FGF12: variants seen among roughly 807,000 people sequenced by gnomAD.
The protein encoded by FGF12 is fibroblast growth factor 12, also known as fibroblast growth factor 12B.
A neutral mutation model predicts 23.6 loss-of-function variants in FGF12; 14 were observed. The ratio of observed to expected loss-of-function variants is 0.59; its 90% CI spans 0.39 to 0.93. FGF12 has a LOEUF of 0.93. FGF12 is among the 40% of genes least tolerant of loss of function. The pLI is 0.00. For missense variants in FGF12, 175 were observed against 217.8 expected (o/e 0.80, Z 1.24); for synonymous variants, 62 against 77.3 (o/e 0.80, Z 1.04).
chr3:192,357,222 G>A (rs1050384966), intron 3 of FGF12, among the ~76,000 whole-genome samples: 4 of 152,122 alleles, frequency 2.6e-5, no homozygotes, highest in Admixed American at 6.5e-5. Flanking sequence ...GGTGACTCAC[G>A]CCTGTAATCC....
intron 2 of FGF12, among the ~76,000 whole-genome samples, chr3:192,620,313 A>T (rs1038335178): frequency 1.3e-5 from 2 of 152,114 alleles, no homozygotes; most frequent in Admixed American, 1.3e-4. Flanking sequence ...CAATAGACTA[A>T]AAAAGAGCCC....
At chr3:192,482,109 A>C (rs1723496691) in intron 2 of FGF12, among the ~76,000 whole-genome samples, 1 of 152,148 alleles carries the variant, frequency 6.6e-6, no homozygotes, top group Non-Finnish European at 1.5e-5. Flanking sequence ...AGAACATTGC[A>C]CCTCATTATT....
At chr3:192,252,905 T>C (rs1712131993) in intron 4 of FGF12, among the ~76,000 whole-genome samples, 1 of 152,182 alleles carries the variant, frequency 6.6e-6, no homozygotes, top group Non-Finnish European at 1.5e-5. Flanking sequence ...GCTCTCATTA[T>C]ACCCTGGGGG....
intron 5 of FGF12, among the ~76,000 whole-genome samples, chr3:192,157,818 G>A (rs1461262783): frequency 6.6e-6 from 1 of 152,130 alleles, no homozygotes; most frequent in Non-Finnish European, 1.5e-5. Context: ...CTCCTATTAA[G>A]CATTAGTCAT....
intron 5 of FGF12, among the ~76,000 whole-genome samples, chr3:192,167,775 T>TAA (rs1715306399): frequency 7.5e-5 from 2 of 26,750 alleles, no homozygotes; most frequent in Non-Finnish European, 1.1e-4. Context: ...ATATAAAATT[T>TAA]TTTTTTTTTT....
intron 4 of FGF12, among the ~76,000 whole-genome samples, chr3:192,199,078 T>C (rs1306673130): frequency 6.6e-6 from 1 of 152,232 alleles, no homozygotes; most frequent in Non-Finnish European, 1.5e-5. Flanking sequence ...ATGTGCAAGA[T>C]GTGTGAACAA....
At chr3:192,565,070 A>G (rs186209516) in intron 2 of FGF12, among the ~76,000 whole-genome samples, 30 of 152,372 alleles carry the variant, frequency 2.0e-4, no homozygotes, top group African/African-American at 7.0e-4. Context: ...ATAAATATTA[A>G]TCACTGTTTA....
intron 2 of FGF12, among the ~76,000 whole-genome samples, chr3:192,386,943 G>T (rs115987209): frequency 2.4e-3 from 365 of 152,262 alleles, no homozygotes; most frequent in African/African-American, 8.4e-3. Context: ...TCAAACCTTC[G>T]ATAAGGTTGA....
chr3:192,511,673 C>T (rs761119556), intron 2 of FGF12, among the ~76,000 whole-genome samples: 7 of 152,048 alleles, frequency 4.6e-5, no homozygotes, highest in Non-Finnish European at 5.9e-5. Flanking sequence ...TGAAATCTTT[C>T]ATTTAATGGA....
chr3:192,442,281 C>T (rs13324840), intron 2 of FGF12, among the ~76,000 whole-genome samples: 3,931 of 152,272 alleles, frequency 0.026, 66 homozygotes, highest in Non-Finnish European at 0.038. Context: ...CACTGCATTG[C>T]GCACTGACTA....
At chr3:192,534,237 A>C (rs1725168598) in intron 2 of FGF12, 1 of 152,220 alleles carries the variant, frequency 6.6e-6, no homozygotes, top group Non-Finnish European at 1.5e-5. Flanking sequence ...ACAGTTCAAC[A>C]CACTGAGTAA....
chr3:192,217,544 A>G (rs1718253390), intron 4 of FGF12, among the ~76,000 whole-genome samples: 2 of 152,204 alleles, frequency 1.3e-5, no homozygotes, highest in African/African-American at 4.8e-5. Context: ...GAGCTGTAAA[A>G]CACCTGCAGG....
At chr3:192,512,056 A>G (rs1406951466) in intron 2 of FGF12, among the ~76,000 whole-genome samples, 1 of 152,208 alleles carries the variant, frequency 6.6e-6, no homozygotes, top group Non-Finnish European at 1.5e-5. Flanking sequence ...CTCTTAACCT[A>G]CTGTAACAAA....
chr3:192,222,058 T>C (rs534856953), intron 4 of FGF12, among the ~76,000 whole-genome samples: 1 of 152,240 alleles, frequency 6.6e-6, no homozygotes, highest in African/African-American at 2.4e-5. Context: ...AGGTGTGACA[T>C]GTATTCAGAT....
intron 4 of FGF12, among the ~76,000 whole-genome samples, chr3:192,190,852 G>A (rs1222618005): frequency 6.6e-6 from 1 of 152,176 alleles, no homozygotes; most frequent in Non-Finnish European, 1.5e-5. Flanking sequence ...GAATACAAAT[G>A]ATGTGATAAT....
chr3:192,359,178 G>T (rs1464939), intron 3 of FGF12, among the ~76,000 whole-genome samples: 1 of 151,896 alleles, frequency 6.6e-6, no homozygotes, highest in African/African-American at 2.4e-5. Context: ...AAATCTGAGA[G>T]CAAGAAAACT....
At chr3:192,475,271 A>C (rs1320431461) in intron 2 of FGF12, among the ~76,000 whole-genome samples, 1 of 152,228 alleles carries the variant, frequency 6.6e-6, no homozygotes, top group Non-Finnish European at 1.5e-5. Context: ...GGTCCATTCT[A>C]GCTCTAAATT....
At chr3:192,278,060 C>T (rs1713913268) in intron 4 of FGF12, among the ~76,000 whole-genome samples, 1 of 152,196 alleles carries the variant, frequency 6.6e-6, no homozygotes, top group Non-Finnish European at 1.5e-5. Context: ...CGCGCCCAGC[C>T]ACATTTCTCC....
intron 4 of FGF12, among the ~76,000 whole-genome samples, chr3:192,294,948 G>A (rs772272364): frequency 6.6e-6 from 1 of 152,082 alleles, no homozygotes; most frequent in African/African-American, 2.4e-5. Context: ...TTGCCCATAA[G>A]ACCCTAACTT....
Sources: allele counts gnomAD v4.1 joint callset (sites outside exome capture counted in the v4.1 genomes callset), GRCh38; gene constraint gnomAD v4.1.1; transcripts MANE v1.5; gene names NCBI Gene and HGNC (gene_info 2026-07-23, HGNC 2026-07-21).